LRRC7: variants seen among roughly 807,000 people sequenced by gnomAD.
LRRC7 encodes leucine-rich repeat-containing protein 7.
In LRRC7, 23 loss-of-function variants were observed where a neutral mutation model predicts 175.7. The ratio of observed to expected loss-of-function variants is 0.13; its 90% CI spans 0.09 to 0.19. The LOEUF is 0.19. LRRC7 is among the 10% of genes least tolerant of loss of function. The pLI, the probability that LRRC7 is intolerant of heterozygous loss-of-function variation, is 1.00. For synonymous variants in LRRC7, 685 were observed against 680.9 expected (o/e 1.01, Z -0.09); for missense variants, 1,354 against 1,904.7 (o/e 0.71, Z 5.38).
intron 25 of LRRC7, among the ~76,000 whole-genome samples, chr1:70,092,448 G>T (rs1558061838): frequency 6.6e-6 from 1 of 152,226 alleles, no homozygotes; most frequent in East Asian, 1.9e-4. Flanking sequence ...TACTGCTCAT[G>T]GATGTTTGAA....
At chr1:69,677,065 A>G (rs778612101) in intron 1 of LRRC7, among the ~76,000 whole-genome samples, 12 of 151,804 alleles carry the variant, frequency 7.9e-5, no homozygotes, top group Non-Finnish European at 1.6e-4. Context: ...TACTTCATTT[A>G]GAGTAATGGT....
At chr1:69,903,679 G>A (rs926953834) in intron 7 of LRRC7, among the ~76,000 whole-genome samples, 2 of 152,086 alleles carry the variant, frequency 1.3e-5, no homozygotes, top group Non-Finnish European at 1.5e-5. Flanking sequence ...GAAGGAGATA[G>A]AGACACAAAA....
intron 22 of LRRC7, among the ~76,000 whole-genome samples, chr1:70,051,406 C>T (rs1660732366): frequency 6.6e-6 from 1 of 151,862 alleles, no homozygotes; most frequent in Non-Finnish European, 1.5e-5. Flanking sequence ...TATGTTTTAA[C>T]TCTTAATTTT....
chr1:69,632,165 C>T (rs1373658240), intron 1 of LRRC7, among the ~76,000 whole-genome samples: 1 of 152,120 alleles, frequency 6.6e-6, no homozygotes, highest in African/African-American at 2.4e-5. Context: ...TGCATTTCTT[C>T]CTGTGGCAAG....
intron 6 of LRRC7, among the ~76,000 whole-genome samples, chr1:69,836,087 A>G (rs1681068113): frequency 6.6e-6 from 1 of 152,036 alleles, no homozygotes; most frequent in African/African-American, 2.4e-5. Flanking sequence ...TGTTCAAATA[A>G]TAGACTAAGT....
chr1:69,896,753 C>T (rs1222683323), intron 7 of LRRC7, among the ~76,000 whole-genome samples: 1 of 151,670 alleles, frequency 6.6e-6, no homozygotes, highest in Non-Finnish European at 1.5e-5. Context: ...AAATTTTCTG[C>T]AACAAAAAAA....
At chr1:69,781,850 A>AAGGAAGGAAGG (rs1557720655) in intron 3 of LRRC7, among the ~76,000 whole-genome samples, 5 of 104,334 alleles carry the variant, frequency 4.8e-5, no homozygotes, top group African/African-American at 1.3e-4. Context: ...AGGAAGGGAG[A>AAGGAAGGAAGG]GAAAGAAAGA....
At chr1:69,754,145 T>C (rs907205572) in intron 2 of LRRC7, among the ~76,000 whole-genome samples, 14 of 152,000 alleles carry the variant, frequency 9.2e-5, no homozygotes, top group African/African-American at 2.2e-4. Flanking sequence ...TGGTAGGTCA[T>C]AGGAAAAATT....
intron 7 of LRRC7, among the ~76,000 whole-genome samples, chr1:69,842,666 TAA>T (rs984166462): frequency 6.6e-6 from 1 of 152,086 alleles, no homozygotes; most frequent in Non-Finnish European, 1.5e-5. Context: ...TGAAGAATGC[TAA>T]GAGTTGTTGG....
At chr1:70,011,441 C>A (rs1399325619) in intron 11 of LRRC7, among the ~76,000 whole-genome samples, 1 of 152,080 alleles carries the variant, frequency 6.6e-6, no homozygotes, top group African/African-American at 2.4e-5. Context: ...GACCTGCCCT[C>A]TCCACCCTTC....
rs373806375 is a variant in LRRC7, at chr1:69,980,370, C to G, written c.712-9C>G. Reference sequence around the variant, plus strand: ...TTTCCTCTCTCCTTCCTCCCCACTTCTCTCCCAGCCTGAAGTTCTGGATCA... The same window carrying G: ...TTTCCTCTCTCCTTCCTCCCCACTTGTCTCCCAGCCTGAAGTTCTGGATCA... On this transcript the variant is annotated splice_polypyrimidine_tract_variant and intron_variant, in intron 8 of 26. Coordinates refer to ENST00000651989, the MANE Select transcript of LRRC7 (RefSeq NM_001370785.2). 8 of 1,607,810 alleles carry G rather than the reference C, an allele frequency of 5.0e-6. No homozygotes were observed. The highest frequency in any genetic ancestry group is 6.8e-6 in the Non-Finnish European group (8 of 1,175,778).
At chr1:69,678,798 C>T (rs1270402923) in intron 2 of LRRC7, among the ~76,000 whole-genome samples, 2 of 152,108 alleles carry the variant, frequency 1.3e-5, no homozygotes, top group Admixed American at 6.6e-5. Context: ...GGTTCTGAGA[C>T]GTCCTGAAGT....
chr1:70,096,172 T>C (rs1447958194), intron 25 of LRRC7, among the ~76,000 whole-genome samples: 1 of 152,198 alleles, frequency 6.6e-6, no homozygotes. Context: ...AGATGGGGTT[T>C]CACCATGTTG....
At chr1:69,586,337 C>T (rs542195003) in intron 1 of LRRC7, among the ~76,000 whole-genome samples, 57 of 152,156 alleles carry the variant, frequency 3.7e-4, no homozygotes, top group African/African-American at 1.3e-3. Flanking sequence ...TTTAGAAGAT[C>T]CCCAATAGTT....
chr1:69,627,616 T>G (rs761494484), intron 1 of LRRC7, among the ~76,000 whole-genome samples: 1 of 152,146 alleles, frequency 6.6e-6, no homozygotes, highest in Non-Finnish European at 1.5e-5. Flanking sequence ...TTTTTGCCAT[T>G]GATTTTGGTG....
At chr1:70,044,352 C>T (rs1223885948) in intron 22 of LRRC7, among the ~76,000 whole-genome samples, 1 of 152,076 alleles carries the variant, frequency 6.6e-6, no homozygotes, top group East Asian at 1.9e-4. Flanking sequence ...TTTTGTGTTG[C>T]TTCAAGGTTC....
chr1:69,834,450 C>T (rs2101325271), intron 5 of LRRC7, among the ~76,000 whole-genome samples: 1 of 152,162 alleles, frequency 6.6e-6, no homozygotes, highest in African/African-American at 2.4e-5. Context: ...ACAAACAAGC[C>T]AAACAACTTG....
chr1:69,697,623 G>A (rs572918892), intron 2 of LRRC7, among the ~76,000 whole-genome samples: 10 of 152,180 alleles, frequency 6.6e-5, no homozygotes, highest in Non-Finnish European at 8.8e-5. Context: ...TGTCCCATCT[G>A]CCCCAAAACA....
rs546732404 is a variant in LRRC7 at position 69,891,978 on chromosome 1, AAG to A, written c.648-39527_648-39526del. On this transcript the variant is annotated intron_variant, in intron 7 of 26. Transcript: ENST00000651989. ...CGTGCCTGTATTCTCATCACAAAAA[AAG>A]AAAAAAAAAGTGAAGTGATGGGTAT... 4.0e-3 allele frequency among the ~76,000 whole-genome samples: 498 copies of A among 123,402 alleles called. 1 individual carries two copies. Among genetic ancestry groups the A allele is most frequent in the African/African-American group, 0.012 (449 of 38,276 alleles). The allele number at this position is 123,402 out of a possible 152,430, so 81.0% of individuals were successfully genotyped here.
Sources: gnomAD v4.1 joint callset for allele counts (sites outside exome capture counted in the v4.1 genomes callset) on GRCh38, gnomAD v4.1.1 for gene constraint, MANE v1.5 for transcripts, NCBI Gene and HGNC (gene_info 2026-07-23, HGNC 2026-07-21) for gene names.